MEGF10: variants seen among roughly 807,000 people sequenced by gnomAD.
The protein encoded by MEGF10 is multiple EGF like domains 10.
A neutral mutation model predicts 147.5 loss-of-function variants in MEGF10; 86 were observed. The observed-to-expected ratio is 0.58, with a 90% confidence interval of 0.49 to 0.70. The LOEUF (loss-of-function observed/expected upper bound fraction) is 0.70. Ranked by LOEUF, MEGF10 falls within the 30% of genes least tolerant of loss-of-function variation. The probability of loss-of-function intolerance (pLI) is 0.00; values close to 1 mark genes in which losing one functional copy is unlikely to be tolerated. For synonymous variants in MEGF10, 478 were observed against 525.5 expected (o/e 0.91, Z 1.24); for missense variants, 1,329 against 1,487.3 (o/e 0.89, Z 1.75).
At chr5:127,327,684 A>G (rs920747350) in intron 1 of MEGF10, among the ~76,000 whole-genome samples, 1 of 150,166 alleles carries the variant, frequency 6.7e-6, no homozygotes, top group African/African-American at 2.4e-5. Flanking sequence ...TGAATGCCCT[A>G]TCTGCTGCTT....
intron 1 of MEGF10, among the ~76,000 whole-genome samples, chr5:127,299,701 T>C (rs1184381088): frequency 2.0e-5 from 3 of 152,250 alleles, no homozygotes; most frequent in Admixed American, 6.5e-5. Flanking sequence ...TAGTTCCTAG[T>C]TCCTGTGGAT....
chr5:127,430,690 G>A (rs1765362505), intron 13 of MEGF10, among the ~76,000 whole-genome samples: 1 of 152,192 alleles, frequency 6.6e-6, no homozygotes, highest in Non-Finnish European at 1.5e-5. Context: ...CAGAGGGCCA[G>A]AAGGGGAGAA....
chr5:127,413,311 A>G (rs1295312408), intron 9 of MEGF10, among the ~76,000 whole-genome samples: 1 of 152,218 alleles, frequency 6.6e-6, no homozygotes, highest in African/African-American at 2.4e-5. Context: ...TTGAGATTTA[A>G]TAATATTCCA....
chr5:127,333,910 G>A (rs1761367720), intron 2 of MEGF10, among the ~76,000 whole-genome samples: 1 of 151,926 alleles, frequency 6.6e-6, no homozygotes, highest in African/African-American at 2.4e-5. Flanking sequence ...GAAGGGGGAG[G>A]GAAATTGAAT....
chr5:127,349,361 A>G (rs1735361853), intron 4 of MEGF10, among the ~76,000 whole-genome samples: 1 of 152,154 alleles, frequency 6.6e-6, no homozygotes. Context: ...AAAACACATG[A>G]CATTAAATTT....
chr5:127,238,387 C>A, the MEGF10 span, among the ~76,000 whole-genome samples: 10 of 152,006 alleles, frequency 6.6e-5, no homozygotes, highest in African/African-American at 1.9e-4. Context: ...TTAAAAAAAA[C>A]CAAGGTCTTC....
the MEGF10 span, among the ~76,000 whole-genome samples, chr5:127,257,268 C>G: frequency 6.7e-6 from 1 of 148,822 alleles, no homozygotes; most frequent in Non-Finnish European, 1.5e-5. Context: ...TGATGAGATT[C>G]CTAGGGGAGA....
the MEGF10 span, among the ~76,000 whole-genome samples, chr5:127,270,921 T>A: frequency 6.6e-6 from 1 of 152,256 alleles, no homozygotes; most frequent in Admixed American, 6.5e-5. Context: ...CATGGCTGTA[T>A]AGTATTCCAT....
At chr5:127,428,859 T>C (rs1765296626) in intron 13 of MEGF10, among the ~76,000 whole-genome samples, 1 of 152,238 alleles carries the variant, frequency 6.6e-6, no homozygotes, top group South Asian at 2.1e-4. Context: ...AAATGCCCAG[T>C]GAATGCTGAT....
chr5:127,245,006 A>C, the MEGF10 span, among the ~76,000 whole-genome samples: 6 of 152,202 alleles, frequency 3.9e-5, no homozygotes, highest in African/African-American at 1.4e-4. Flanking sequence ...GGAAGAATCA[A>C]TATTGTTAAA....
Position 127,434,753 on chromosome 5 carries a change from G to T in MEGF10, c.1907G>T (p.Gly636Val), listed in dbSNP as rs1765500413. 1 of 1,613,832 alleles carries T rather than the reference G, an allele frequency of 6.2e-7. No homozygotes were observed. The highest frequency in any genetic ancestry group is 1.7e-5 in the Admixed American group (1 of 59,984). ...TGCCCACAGTGCGTTCACAGCAGCGGGCCCTGCCACCACATCACCGGCCTG... is the reference window on the plus strand; with the variant it reads ...TGCCCACAGTGCGTTCACAGCAGCGTGCCCTGCCACCACATCACCGGCCTG... ...QTCPQCVHSS[G>V]PCHHITGLCD... The change falls in exon 15 of 25, where the codon GGG becomes GTG. Residue 636 changes from glycine to valine, a missense_variant. Gly to Val is a moderately radical substitution (Grantham distance 109). Around this residue, in one of 3 missense-constraint regions of MEGF10, gnomAD observed 980 missense variants for 1,085.9 expected, o/e 0.90. Coordinates refer to ENST00000503335, the MANE Select transcript of MEGF10 (RefSeq NM_001256545.2).
chr5:127,274,725 T>G, the MEGF10 span, among the ~76,000 whole-genome samples: 1 of 152,334 alleles, frequency 6.6e-6, no homozygotes, highest in East Asian at 1.9e-4. Context: ...AGTATTCTTA[T>G]GGGTCATTTA....
At chr5:127,359,599 T>G (rs532892512) in intron 4 of MEGF10, among the ~76,000 whole-genome samples, 3 of 152,240 alleles carry the variant, frequency 2.0e-5, no homozygotes, top group South Asian at 2.1e-4. Context: ...GCTTCGTATT[T>G]TCTAGAGCTT....
At chr5:127,257,192 T>A in the MEGF10 span, among the ~76,000 whole-genome samples, 83,437 of 151,536 alleles carry the variant, frequency 0.55, 23,370 homozygotes, top group Middle Eastern at 0.71. Context: ...TGTGTGTGGG[T>A]GTGACTCCCA....
chr5:127,440,699 A>T, intron 17 of MEGF10, 40 bp from the exon 18 acceptor site: 1 of 1,607,064 alleles, frequency 6.2e-7, no homozygotes. Flanking sequence ...GTTTCTCTTC[A>T]GCAGCCTCTT....
chr5:127,239,347 C>T, the MEGF10 span, among the ~76,000 whole-genome samples: 1 of 145,556 alleles, frequency 6.9e-6, no homozygotes, highest in Non-Finnish European at 1.5e-5. Flanking sequence ...TAAGAGAATG[C>T]CTTTGCTCTT....
At chr5:127,395,283 T>C (rs1441241866) in intron 5 of MEGF10, among the ~76,000 whole-genome samples, 1 of 152,120 alleles carries the variant, frequency 6.6e-6, no homozygotes, top group Non-Finnish European at 1.5e-5. Context: ...CACTGACTTT[T>C]GTATTGCAGC....
chr5:127,251,311 G>A, the MEGF10 span, among the ~76,000 whole-genome samples: 20 of 152,184 alleles, frequency 1.3e-4, no homozygotes, highest in African/African-American at 4.6e-4. Context: ...ATAGTAAAGA[G>A]CACTGGATCT....
the MEGF10 span, among the ~76,000 whole-genome samples, chr5:127,230,408 A>G: frequency 6.6e-6 from 1 of 152,080 alleles, no homozygotes; most frequent in Admixed American, 6.5e-5. Flanking sequence ...TAAATGGTCT[A>G]CATCCAAGCG....
Sources: gnomAD v4.1 joint callset for allele counts (sites outside exome capture counted in the v4.1 genomes callset) on GRCh38, gnomAD v4.1.1 for gene constraint, gnomAD v4.1.1 regional missense constraint, MANE v1.5 for transcripts, NCBI Gene and HGNC (gene_info 2026-07-23, HGNC 2026-07-21) for gene names.